Variants in DNAJC1 observed in about 807,000 individuals in gnomAD.
DNAJC1 encodes DnaJ heat shock protein family (Hsp40) member C1, also known as dnaJ homolog subfamily C member 1.
In DNAJC1, 58 loss-of-function variants were observed where a neutral mutation model predicts 76.6. That is an observed-to-expected ratio of 0.76 (90% confidence interval 0.61 to 0.94). The LOEUF is 0.94. Among genes scored for constraint, DNAJC1 ranks in the 40% least tolerant of loss-of-function variants. The pLI is 0.00. For missense variants in DNAJC1, 689 were observed against 677.3 expected, an observed-to-expected ratio of 1.02 and a Z score of -0.19; for synonymous variants, 258 against 267.9, an observed-to-expected ratio of 0.96 and a Z score of 0.36.
intron 8 of DNAJC1, among the ~76,000 whole-genome samples, chr10:21,838,090 C>G (rs1012753380): frequency 1.3e-5 from 2 of 151,694 alleles, no homozygotes; most frequent in African/African-American, 4.8e-5. Context: ...AGTGAGGAGC[C>G]CCTCTGCCCG....
chr10:21,890,177 T>TGG (rs72513867), intron 7 of DNAJC1, among the ~76,000 whole-genome samples: 10 of 56,448 alleles, frequency 1.8e-4, no homozygotes, highest in Non-Finnish European at 2.5e-4. Flanking sequence ...TTTGGGAGGC[T>TGG]GGGGGGGGGT....
rs141053378 is a variant in DNAJC1, at chr10:21,820,040, G to T, written c.979-13941C>A. 4.6e-3 allele frequency among the ~76,000 whole-genome samples: 707 copies of T among 152,282 alleles called. 3 individuals are homozygous for T. The highest frequency in any genetic ancestry group is 0.016 in the African/African-American group (674 of 41,566). ...TCATAAAGTCATGCACAATTTTGAA[G>T]CATTTTCATCATTCTGAATAGATAC... is the stretch of plus-strand genomic sequence containing the variant. On this transcript the variant is annotated intron_variant, in intron 8 of 11. Transcript: ENST00000376980.
Position 21,759,190 on chromosome 10 carries a change from A to T in DNAJC1, c.1576T>A (p.Cys526Ser). The T allele has an allele frequency of 6.2e-7, 1 of 1,614,040 alleles. No homozygotes were observed. The highest frequency in any genetic ancestry group is 8.5e-7 in the Non-Finnish European group (1 of 1,179,980). Residue 526 changes from cysteine to serine, a missense_variant, in exon 11 of 12, where the codon TGT (cysteine) becomes AGT (serine). Cys to Ser is a moderately radical substitution (Grantham distance 112). Transcript: ENST00000376980. ...CTCACCTTGCTCTTGGACGGGACACATCTGGCTATTTTGTCCCAGCGGTCA... is the reference window on the plus strand; with the variant it reads ...CTCACCTTGCTCTTGGACGGGACACTTCTGGCTATTTTGTCCCAGCGGTCA... ...SSDRWDKIAR[C>S]VPSKSKEDCI... is the part of the protein sequence containing the mutation.
At chr10:21,974,227 T>C (rs1464442865) in intron 1 of DNAJC1, among the ~76,000 whole-genome samples, 2 of 152,166 alleles carry the variant, frequency 1.3e-5, no homozygotes, top group Admixed American at 6.5e-5. Context: ...CCTAACCAGT[T>C]AAAATGAAAA....
chr10:21,982,329 T>C (rs1357235314), intron 1 of DNAJC1, among the ~76,000 whole-genome samples: 2 of 152,050 alleles, frequency 1.3e-5, no homozygotes, highest in African/African-American at 4.8e-5. Context: ...AAAAACTTCA[T>C]GATATTAGAT....
intron 9 of DNAJC1, among the ~76,000 whole-genome samples, chr10:21,782,369 T>C (rs1451004632): frequency 6.6e-6 from 1 of 152,052 alleles, no homozygotes; most frequent in East Asian, 1.9e-4. Context: ...AATAGACCAA[T>C]AACAGGCTCT....
intron 8 of DNAJC1, among the ~76,000 whole-genome samples, chr10:21,853,065 C>T (rs1047665391): frequency 6.6e-6 from 1 of 152,122 alleles, no homozygotes; most frequent in African/African-American, 2.4e-5. Context: ...ATGTCAATAC[C>T]CCATTCCTTC....
At chr10:21,825,283 G>A (rs1835229454) in intron 8 of DNAJC1, among the ~76,000 whole-genome samples, 1 of 152,050 alleles carries the variant, frequency 6.6e-6, no homozygotes, top group African/African-American at 2.4e-5. Flanking sequence ...TACTTATTCT[G>A]GATATTTCAT....
chr10:21,969,162 T>TGCAGTGA (rs1837935649), intron 1 of DNAJC1, among the ~76,000 whole-genome samples: 1 of 148,304 alleles, frequency 6.7e-6, no homozygotes, highest in African/African-American at 2.5e-5. Context: ...AGGCAGAGGT[T>TGCAGTGA]GCAGTGAACC....
At chr10:21,767,506 T>C (rs1279524709) in intron 9 of DNAJC1, among the ~76,000 whole-genome samples, 2 of 152,240 alleles carry the variant, frequency 1.3e-5, no homozygotes, top group African/African-American at 4.8e-5. Flanking sequence ...CAGAATGGCC[T>C]GTAACTCCTA....
intron 7 of DNAJC1, among the ~76,000 whole-genome samples, chr10:21,891,476 C>CAAAAAAAAAAA (rs369729722): frequency 1.4e-3 from 54 of 38,804 alleles, no homozygotes; most frequent in African/African-American, 1.7e-3. Flanking sequence ...ACAAAGTAGA[C>CAAAAAAAAAAA]AAAAAAAAAA....
intron 1 of DNAJC1, among the ~76,000 whole-genome samples, chr10:21,951,560 T>G (rs898233612): frequency 8.0e-6 from 1 of 124,856 alleles, no homozygotes; most frequent in African/African-American, 2.8e-5. Context: ...TAACTTGATA[T>G]ATAAACCATT....
intron 7 of DNAJC1, among the ~76,000 whole-genome samples, chr10:21,884,467 T>C (rs1039611309): frequency 6.6e-6 from 1 of 152,180 alleles, no homozygotes; most frequent in Non-Finnish European, 1.5e-5. Flanking sequence ...AAATGTATTA[T>C]TCTATTAGAG....
chr10:21,969,177 T>C (rs944597780), intron 1 of DNAJC1, among the ~76,000 whole-genome samples: 13 of 144,412 alleles, frequency 9.0e-5, no homozygotes, highest in African/African-American at 3.4e-4. Context: ...TGAACCAAGA[T>C]TGCACCACTG....
intron 8 of DNAJC1, among the ~76,000 whole-genome samples, chr10:21,860,415 G>C (rs1009036975): frequency 4.6e-5 from 7 of 152,100 alleles, no homozygotes; most frequent in African/African-American, 1.7e-4. Context: ...AATTCAGGAT[G>C]GACGCGGTGG....
intron 7 of DNAJC1, among the ~76,000 whole-genome samples, chr10:21,899,377 G>A (rs1232156754): frequency 1.3e-5 from 2 of 152,220 alleles, no homozygotes; most frequent in South Asian, 2.1e-4. Flanking sequence ...CACCTCACGA[G>A]TTAAGACCCA....
At chr10:21,930,075 A>G (rs771275520) in intron 1 of DNAJC1, among the ~76,000 whole-genome samples, 3 of 152,182 alleles carry the variant, frequency 2.0e-5, no homozygotes, top group Non-Finnish European at 2.9e-5. Flanking sequence ...TCCTGGGTCC[A>G]AGAGATTCTT....
At position 21,835,446 on chromosome 10, in the gene DNAJC1, C is replaced by T. The variant is rs557076425; in HGVS notation, c.979-29347G>A. 5.9e-5 allele frequency among the ~76,000 whole-genome samples: 9 copies of T among 152,280 alleles called. No individual in the cohort carries two copies. In the South Asian group the frequency reaches 1.9e-3, roughly 32 times the overall value. Reference sequence around the variant, plus strand: ...TCTCCTCCTCCAAAGGAATGCAGCTCCTCACCAGCAAGGGAACAAAGCTGG... The same window carrying T: ...TCTCCTCCTCCAAAGGAATGCAGCTTCTCACCAGCAAGGGAACAAAGCTGG... On this transcript the variant is annotated intron_variant, in intron 8 of 11. Transcript: ENST00000376980.
At chr10:21,815,755 T>C (rs1247581633) in intron 8 of DNAJC1, among the ~76,000 whole-genome samples, 1 of 151,894 alleles carries the variant, frequency 6.6e-6, no homozygotes, top group East Asian at 1.9e-4. Context: ...TCATTTTCTT[T>C]TTTTTTTTGA....
Sources: gnomAD v4.1 joint callset for allele counts (sites outside exome capture counted in the v4.1 genomes callset) on GRCh38, gnomAD v4.1.1 for gene constraint, MANE v1.5 for transcripts, NCBI Gene and HGNC (gene_info 2026-07-23, HGNC 2026-07-21) for gene names.